Variants in IL1RN observed in about 807,000 individuals in gnomAD.
IL1RN encodes interleukin 1 receptor antagonist, also known as interleukin-1 receptor antagonist protein.
Under a neutral mutation model 13.7 loss-of-function variants are expected in IL1RN, and 10 were observed. The ratio of observed to expected loss-of-function variants is 0.73; its 90% CI spans 0.45 to 1.24. IL1RN has a LOEUF of 1.24. Among genes scored for constraint, IL1RN ranks in the 50% most tolerant of loss-of-function variants. The pLI, the probability that IL1RN is intolerant of heterozygous loss-of-function variation, is 0.00. For synonymous variants in IL1RN, 102 were observed against 82.7 expected (o/e 1.23, Z -1.27); for missense variants, 213 against 222.1 (o/e 0.96, Z 0.26).
chr2:113,113,669 T>G (rs905734515), upstream of IL1RN, among the ~76,000 whole-genome samples: 39 of 152,138 alleles, frequency 2.6e-4, no homozygotes, highest in Admixed American at 1.0e-3. Context: ...GTGGTGATGG[T>G]TTCATGAGAG....
chr2:113,109,327 G>C (rs941936633), upstream of IL1RN, among the ~76,000 whole-genome samples: 1 of 150,524 alleles, frequency 6.6e-6, no homozygotes, highest in Admixed American at 6.6e-5. Context: ...CAGGAGAATC[G>C]CTTGAACCCA....
chr2:113,101,755 T>G, the IL1RN span, among the ~76,000 whole-genome samples: 3,348 of 152,206 alleles, frequency 0.022, 138 homozygotes, highest in African/African-American at 0.076. Context: ...GAAGAGAGAC[T>G]TTTTTATTCT....
chr2:113,132,754 C>T lies in IL1RN; in HGVS notation c.417C>T (p.Ala139=), dbSNP rs55640833. ...GCCCCACCACCAGTTTTGAGTCTGC[C>T]GCCTGCCCCGGTTGGTTCCTCTGCA... ...DSGPTTSFES[A]ACPGWFLCTA... Residue 139 remains alanine (A), a synonymous_variant, in exon 4 of 4, where the codon GCC becomes GCT. Coordinates refer to ENST00000409930, the MANE Select transcript of IL1RN (RefSeq NM_173842.3). 8.7e-6 allele frequency: 14 copies of T among 1,614,136 alleles called. No homozygotes were observed. Among genetic ancestry groups the T allele is most frequent in the South Asian group, 3.3e-5 (3 of 91,090 alleles).
chr2:113,104,398 A>G (rs1490445281), upstream of IL1RN, among the ~76,000 whole-genome samples: 4 of 152,092 alleles, frequency 2.6e-5, no homozygotes, highest in Non-Finnish European at 5.9e-5. Flanking sequence ...CTGTTGGCCC[A>G]GTGAGGGGAG....
chr2:113,123,042 T>C (rs1240559276), upstream of IL1RN, among the ~76,000 whole-genome samples: 3 of 152,240 alleles, frequency 2.0e-5, no homozygotes, highest in East Asian at 5.8e-4. Flanking sequence ...GGGGAATTGC[T>C]TGAACCTGGG....
At chr2:113,117,769 G>C (rs1573283853), upstream of IL1RN, 1 of 595,008 alleles carries the variant, frequency 1.7e-6, no homozygotes, top group East Asian at 2.8e-5. Flanking sequence ...CCTGGAAACT[G>C]GGCCTGCTTG....
At position 113,111,380 on chromosome 2, in the gene IL1RN, TCA is replaced by T. The variant is rs1250466800; in HGVS notation, c.-388+182_-388+183del. Among the ~76,000 whole-genome samples, 3 of 152,322 alleles carry T rather than the reference TCA, an allele frequency of 2.0e-5. No homozygotes were observed. The East Asian group carries it at 5.8e-4, about 29-fold the overall frequency. On this transcript the variant is annotated intron_variant, in intron 1 of 8. Transcript: ENST00000409052. ...GAAGGCACTACGGTGGCCAAGTGGC[TCA>T]GAGTCACACAGCTCTGTGCCTCAGT...
the IL1RN span, among the ~76,000 whole-genome samples, chr2:113,102,053 C>T: frequency 1.3e-5 from 2 of 152,224 alleles, no homozygotes; most frequent in Non-Finnish European, 2.9e-5. Context: ...AGGTGTGAGC[C>T]ACCGTGCCCC....
chr2:113,104,014 A>G (rs1266111048), upstream of IL1RN, among the ~76,000 whole-genome samples: 2 of 151,452 alleles, frequency 1.3e-5, no homozygotes, highest in Non-Finnish European at 2.9e-5. Context: ...TTTTTCTTAA[A>G]CCAAATTTTC....
upstream of IL1RN, among the ~76,000 whole-genome samples, chr2:113,116,331 T>C (rs1448214860): frequency 6.6e-6 from 1 of 152,230 alleles, no homozygotes; most frequent in Non-Finnish European, 1.5e-5. Context: ...ACAAATCTAG[T>C]TTCTGATTCT....
rs45457191 is a variant in IL1RN, at chr2:113,131,881, G to A, written c.318+724G>A. ...TAACCTCAATGTGAGTGGCCATACT[G>A]TGGCACTGTCCCATCCCTCACCAGG... On this transcript the variant is annotated intron_variant, in intron 3 of 3. Coordinates refer to ENST00000409930, the MANE Select transcript of IL1RN (RefSeq NM_173842.3). 2.5e-3 allele frequency among the ~76,000 whole-genome samples: 374 copies of A among 152,226 alleles called. 1 individual carries two copies. Among genetic ancestry groups the A allele is most frequent in the Non-Finnish European group, 3.9e-3 (264 of 68,026 alleles).
upstream of IL1RN, among the ~76,000 whole-genome samples, chr2:113,109,990 C>T (rs970579772): frequency 1.3e-5 from 2 of 152,182 alleles, no homozygotes; most frequent in Admixed American, 1.3e-4. Context: ...ATCCTCACAC[C>T]TCACCTGGAG....
At position 113,132,969 on chromosome 2, in the gene IL1RN, G is replaced by A; in HGVS notation, c.*98G>A. The A allele has an allele frequency of 2.5e-6, 3 of 1,181,154 alleles. No homozygotes were observed. The highest frequency in any genetic ancestry group is 3.8e-6 in the Non-Finnish European group (3 of 792,842). The allele number at this position is 1,181,154 out of a possible 1,614,324, so 73.2% of individuals were successfully genotyped here. ...GGCTCCCGGCTATGGGGGCACTGAGGACCAGCCATTGAGGGGTGGACCCTC... is the reference window on the plus strand; with the variant it reads ...GGCTCCCGGCTATGGGGGCACTGAGAACCAGCCATTGAGGGGTGGACCCTC... On this transcript the variant is annotated 3_prime_UTR_variant, in exon 4 of 4. Transcript: ENST00000409930.
upstream of IL1RN, among the ~76,000 whole-genome samples, chr2:113,106,256 T>A (rs1315413118): frequency 1.3e-5 from 2 of 152,182 alleles, no homozygotes; most frequent in African/African-American, 4.8e-5. Context: ...AACAAGGGAA[T>A]GAATAAGGAA....
At chr2:113,110,653 C>T (rs911381402), upstream of IL1RN, among the ~76,000 whole-genome samples, 2 of 152,202 alleles carry the variant, frequency 1.3e-5, no homozygotes, top group Non-Finnish European at 2.9e-5. Context: ...GCTCTGCATC[C>T]TTAAAAAGTT....
chr2:113,115,023 G>C (rs1415675120), upstream of IL1RN, among the ~76,000 whole-genome samples: 2 of 152,184 alleles, frequency 1.3e-5, no homozygotes, highest in Non-Finnish European at 2.9e-5. Flanking sequence ...TCTGGAAGCT[G>C]AGCAGGCTGA....
chr2:113,118,229 C>A (rs1245727242), intron 1 of IL1RN, among the ~76,000 whole-genome samples: 1 of 152,236 alleles, frequency 6.6e-6, no homozygotes, highest in Admixed American at 6.5e-5. Context: ...GAGGCAGGGG[C>A]TGCAAGCCTA....
At chr2:113,118,011 C>T (rs1436069326) in exon 1 of IL1RN, 1 of 1,546,102 alleles carries the variant, frequency 6.5e-7, no homozygotes, top group Admixed American at 1.7e-5. Context: ...TCCTATGAGG[C>T]CCTCCCCATG....
upstream of IL1RN, chr2:113,127,539 C>T (rs1051700134): frequency 9.9e-5 from 152 of 1,542,806 alleles, no homozygotes; most frequent in South Asian, 1.8e-4. Flanking sequence ...GGGTGGCAGA[C>T]GCCTAGCTTG....
Sources: gnomAD v4.1 joint callset for allele counts (sites outside exome capture counted in the v4.1 genomes callset) on GRCh38, gnomAD v4.1.1 for gene constraint, MANE v1.5 for transcripts, NCBI Gene and HGNC (gene_info 2026-07-23, HGNC 2026-07-21) for gene names.